The following SLCO3A1 variants were observed in gnomAD, a reference collection of about 807,000 sequenced individuals.
SLCO3A1 encodes the protein PGE1 transporter.
Under a neutral mutation model 63.1 loss-of-function variants are expected in SLCO3A1, and 27 were observed. That is an observed-to-expected ratio of 0.43 (90% CI 0.32 to 0.59). The LOEUF (loss-of-function observed/expected upper bound fraction) is 0.59. SLCO3A1 is among the 20% of genes least tolerant of loss of function. SLCO3A1 has a pLI of 0.09. For synonymous variants in SLCO3A1, 473 were observed against 409.9 expected (o/e 1.15, Z -1.86); for missense variants, 773 against 945.8 (o/e 0.82, Z 2.40).
At chr15:92,140,891 G>A (rs1482670304) in intron 7 of SLCO3A1, among the ~76,000 whole-genome samples, 1 of 152,090 alleles carries the variant, frequency 6.6e-6, no homozygotes, top group African/African-American at 2.4e-5. Flanking sequence ...TCTTTAACCA[G>A]TCTCTTATCA....
At chr15:91,899,021 G>C (rs1444933979) in intron 1 of SLCO3A1, among the ~76,000 whole-genome samples, 1 of 152,184 alleles carries the variant, frequency 6.6e-6, no homozygotes, top group African/African-American at 2.4e-5. Flanking sequence ...GGAAGGGCTG[G>C]TGTGTTCCCA....
intron 2 of SLCO3A1, among the ~76,000 whole-genome samples, chr15:92,068,325 C>A: frequency 6.6e-6 from 1 of 151,932 alleles, no homozygotes; most frequent in East Asian, 1.9e-4. Flanking sequence ...TTCCCCCACC[C>A]CCACCTTACT....
At chr15:91,975,143 T>C (rs1901049406) in intron 2 of SLCO3A1, among the ~76,000 whole-genome samples, 2 of 152,238 alleles carry the variant, frequency 1.3e-5, no homozygotes, top group Non-Finnish European at 2.9e-5. Flanking sequence ...ACCAGTGTTA[T>C]TCTCTTTTTA....
intron 2 of SLCO3A1, among the ~76,000 whole-genome samples, chr15:92,067,396 C>T (rs545727740): frequency 6.7e-6 from 1 of 149,338 alleles, no homozygotes; most frequent in Admixed American, 6.6e-5. Context: ...CCTACATCCC[C>T]GAGGGAGAAG....
chr15:92,066,763 G>A (rs1390577172), intron 2 of SLCO3A1, among the ~76,000 whole-genome samples: 1 of 152,220 alleles, frequency 6.6e-6, no homozygotes, highest in African/African-American at 2.4e-5. Flanking sequence ...CCCTGTCAAG[G>A]TTGGCCGTTG....
chr15:92,069,328 T>C (rs988902966), intron 2 of SLCO3A1, among the ~76,000 whole-genome samples: 1 of 152,124 alleles, frequency 6.6e-6, no homozygotes, highest in Non-Finnish European at 1.5e-5. Context: ...CCAATCCAGA[T>C]AGATACGCAG....
rs967003553 is a variant in SLCO3A1, at chr15:91,863,497, G to A, written c.180+9409G>A. On this transcript the variant is annotated intron_variant, in intron 1 of 9. Coordinates refer to ENST00000318445, the MANE Select transcript of SLCO3A1 (RefSeq NM_013272.4). The surrounding 1 kb of genome is among the most constrained non-coding windows in gnomAD (Gnocchi z 4.3). ...CATTTCTCAGAGTGCTGCTGTGATAGCACTTGGAATTTACTGTGTCTTGTG... is the reference window on the plus strand; with the variant it reads ...CATTTCTCAGAGTGCTGCTGTGATAACACTTGGAATTTACTGTGTCTTGTG... 2.6e-5 allele frequency among the ~76,000 whole-genome samples: 4 copies of A among 152,354 alleles called. No individual in the cohort carries two copies. The East Asian group carries it at 5.8e-4, about 22-fold the overall frequency.
intron 9 of SLCO3A1, among the ~76,000 whole-genome samples, chr15:92,154,364 C>T (rs1043466493): frequency 6.6e-6 from 1 of 152,164 alleles, no homozygotes; most frequent in African/African-American, 2.4e-5. Context: ...TAGACCAGCG[C>T]TCTCCAGTGG....
chr15:91,990,427 A>G (rs181214365), intron 2 of SLCO3A1, among the ~76,000 whole-genome samples: 70 of 152,030 alleles, frequency 4.6e-4, no homozygotes, highest in Admixed American at 1.6e-3. Context: ...CTCTCTCAGC[A>G]CACCTCCCTC....
intron 1 of SLCO3A1, among the ~76,000 whole-genome samples, chr15:91,857,649 T>C (rs4129509): frequency 0.1 from 15,381 of 152,178 alleles, 2,509 homozygotes; most frequent in African/African-American, 0.35. Context: ...AGTCATTTTG[T>C]GTGTGCCTAT....
rs573103748 is a variant in SLCO3A1 at position 92,049,723 on chromosome 15, A to G, written c.647-45158A>G. ...AACGCTGTTAGAGGTCTGACAACCTAGATATTAACAGCAGCAGTGGCCAGT... is the reference window on the plus strand; with the variant it reads ...AACGCTGTTAGAGGTCTGACAACCTGGATATTAACAGCAGCAGTGGCCAGT... On this transcript the variant is annotated intron_variant, in intron 2 of 9. Coordinates refer to ENST00000318445, the MANE Select transcript of SLCO3A1 (RefSeq NM_013272.4). 1.2e-4 allele frequency among the ~76,000 whole-genome samples: 18 copies of G among 152,338 alleles called. No homozygotes were observed. The East Asian group carries it at 3.5e-3, about 29-fold the overall frequency.
chr15:91,986,445 G>A (rs1462917971), intron 2 of SLCO3A1, among the ~76,000 whole-genome samples: 3 of 151,770 alleles, frequency 2.0e-5, no homozygotes, highest in Non-Finnish European at 4.4e-5. Context: ...TGAGTGACAG[G>A]TGTCATTTTA....
chr15:92,118,084 T>C (rs566232732), intron 4 of SLCO3A1, among the ~76,000 whole-genome samples: 1 of 152,326 alleles, frequency 6.6e-6, no homozygotes, highest in South Asian at 2.1e-4. Flanking sequence ...AACACACACA[T>C]AAAGACCAGT....
chr15:91,904,126 T>TAAA (rs2151370960), intron 1 of SLCO3A1, among the ~76,000 whole-genome samples: 1 of 144,784 alleles, frequency 6.9e-6, no homozygotes, highest in East Asian at 2.2e-4. Flanking sequence ...TTCCCCTTCC[T>TAAA]CTGAAGAGGG....
chr15:92,039,537 C>G (rs186022393), intron 2 of SLCO3A1, among the ~76,000 whole-genome samples: 1 of 152,244 alleles, frequency 6.6e-6, no homozygotes, highest in Admixed American at 6.5e-5. Context: ...TTGTGCCAGT[C>G]AGAGTGGTGA....
chr15:91,898,231 T>C (rs1397103407), intron 1 of SLCO3A1, among the ~76,000 whole-genome samples: 3 of 152,214 alleles, frequency 2.0e-5, no homozygotes, highest in Non-Finnish European at 2.9e-5. Context: ...CAATAACCAC[T>C]TTCTCACTGA....
At chr15:91,917,976 G>A (rs957434494) in intron 2 of SLCO3A1, among the ~76,000 whole-genome samples, 2 of 152,176 alleles carry the variant, frequency 1.3e-5, no homozygotes, top group African/African-American at 4.8e-5. Flanking sequence ...CTGAATTGTT[G>A]TCTCTGCTGA....
chr15:92,037,988 G>A (rs2046748817), intron 2 of SLCO3A1, among the ~76,000 whole-genome samples: 1 of 152,196 alleles, frequency 6.6e-6, no homozygotes, highest in South Asian at 2.1e-4. Context: ...CACATGTATA[G>A]TAGTGAGACC....
rs1395204632 is a variant in SLCO3A1, at chr15:91,893,822, C to T, written c.181-22171C>T. Among the ~76,000 whole-genome samples the T allele has an allele frequency of 5.3e-5, 8 of 152,168 alleles. No homozygotes were observed. The South Asian group carries it at 8.3e-4, about 16-fold the overall frequency. On this transcript the variant is annotated intron_variant, in intron 1 of 9. Coordinates refer to ENST00000318445, the MANE Select transcript of SLCO3A1 (RefSeq NM_013272.4). ...AAATGTTTGTTAAGTTCCTGTTATA[C>T]ATCAGTTACTCTTCTAGGAACTAGC... is the stretch of plus-strand genomic sequence containing the variant.
Sources: gnomAD v4.1 joint callset for allele counts (sites outside exome capture counted in the v4.1 genomes callset) on GRCh38, gnomAD v4.1.1 for gene constraint, Gnocchi (gnomAD v3.1) non-coding constraint, MANE v1.5 for transcripts, NCBI Gene and HGNC (gene_info 2026-07-23, HGNC 2026-07-21) for gene names.